The following GALNT2 variants were observed in gnomAD, a reference collection of about 807,000 sequenced individuals.
GALNT2 encodes the protein UDP-GalNAc:polypeptide N-acetylgalactosaminyltransferase 2.
A neutral mutation model predicts 81.4 loss-of-function variants in GALNT2; 31 were observed. That is an observed-to-expected ratio of 0.38 (90% CI 0.29 to 0.51). The LOEUF (loss-of-function observed/expected upper bound fraction) is 0.51, where lower values mean the gene tolerates loss of function less well. Ranked by LOEUF, GALNT2 falls within the 20% of genes least tolerant of loss-of-function variation. GALNT2 has a pLI of 0.87. For synonymous variants in GALNT2, 303 were observed against 287.4 expected (o/e 1.05, Z -0.55); for missense variants, 629 against 765.7 (o/e 0.82, Z 2.11).
At chr1:230,223,828 G>T (rs115821248) in intron 3 of GALNT2, among the ~76,000 whole-genome samples, 1,729 of 152,314 alleles carry the variant, frequency 0.011, 19 homozygotes, top group Middle Eastern at 0.02. Flanking sequence ...TATCTGAAAA[G>T]AGTGGTGTCC....
chr1:230,095,839 C>A (rs535052477), intron 1 of GALNT2, among the ~76,000 whole-genome samples: 5 of 152,314 alleles, frequency 3.3e-5, no homozygotes, highest in South Asian at 4.1e-4. Context: ...AGAAAGAAAC[C>A]GTGTGGGGTT....
intron 1 of GALNT2, 24 bp from the exon 2 acceptor site, chr1:230,178,194 C>A: frequency 2.5e-6 from 4 of 1,568,824 alleles, no homozygotes; most frequent in Non-Finnish European, 3.5e-6. Flanking sequence ...CAAGTCAACT[C>A]ATTCAGTGTC....
At chr1:230,233,178 A>G (rs899885366) in intron 3 of GALNT2, among the ~76,000 whole-genome samples, 5 of 152,214 alleles carry the variant, frequency 3.3e-5, no homozygotes, top group African/African-American at 1.2e-4. Context: ...AACTCCTTAA[A>G]TGTTTTTAGC....
intron 1 of GALNT2, among the ~76,000 whole-genome samples, chr1:230,114,915 A>G (rs1455585910): frequency 2.0e-5 from 3 of 151,790 alleles, no homozygotes; most frequent in Admixed American, 2.0e-4. Context: ...AGCTTCCCCT[A>G]TTAGTTTCCC....
chr1:230,105,662 C>A (rs991844500), intron 1 of GALNT2, among the ~76,000 whole-genome samples: 1 of 152,244 alleles, frequency 6.6e-6, no homozygotes, highest in East Asian at 1.9e-4. Context: ...TGTCAGCATT[C>A]GAAAGTGAGG....
At chr1:230,177,276 T>C (rs1376791803) in intron 1 of GALNT2, among the ~76,000 whole-genome samples, 1 of 152,254 alleles carries the variant, frequency 6.6e-6, no homozygotes, top group Admixed American at 6.5e-5. Flanking sequence ...AGAGGAGTGC[T>C]GGTGGAATAA....
chr1:230,197,173 T>C (rs1663721839), intron 2 of GALNT2, among the ~76,000 whole-genome samples: 1 of 151,878 alleles, frequency 6.6e-6, no homozygotes, highest in South Asian at 2.1e-4. Flanking sequence ...GAGAATGACA[T>C]TGAGTTGTTA....
intron 3 of GALNT2, among the ~76,000 whole-genome samples, chr1:230,218,627 A>G (rs962081151): frequency 6.6e-6 from 1 of 152,246 alleles, no homozygotes; most frequent in Non-Finnish European, 1.5e-5. Context: ...CAGTAGGTGG[A>G]TGAAGATATA....
chr1:230,203,853 C>G (rs1225202515), intron 3 of GALNT2, among the ~76,000 whole-genome samples: 3 of 152,140 alleles, frequency 2.0e-5, no homozygotes, highest in African/African-American at 2.4e-5. Flanking sequence ...GAGATAGGGT[C>G]TCCCTCTATC....
chr1:230,269,333 G>A lies in GALNT2; in HGVS notation c.1440+3966G>A, dbSNP rs187398488. 2.4e-3 allele frequency among the ~76,000 whole-genome samples: 363 copies of A among 151,926 alleles called. 2 individuals are homozygous for A. Among genetic ancestry groups the A allele is most frequent in the African/African-American group, 8.3e-3 (345 of 41,422 alleles). On this transcript the variant is annotated intron_variant, in intron 14 of 15. Coordinates refer to ENST00000366672, the MANE Select transcript of GALNT2 (RefSeq NM_004481.5). Reference sequence around the variant, plus strand: ...CTCAAGTAGCAGGGATTACAGGCACGTGCCACCACACCCGGCTAATTTTTG... The same window carrying A: ...CTCAAGTAGCAGGGATTACAGGCACATGCCACCACACCCGGCTAATTTTTG...
At chr1:230,235,914 TC>T in intron 3 of GALNT2, 99 bp from the exon 4 acceptor site, 1 of 966,276 alleles carries the variant, frequency 1.0e-6, no homozygotes, top group Non-Finnish European at 1.6e-6. Context: ...TCATAGCATG[TC>T]CATCCCAGTT....
rs116384982 is a variant in GALNT2 at position 230,254,778 on chromosome 1, G to A, written c.1010-440G>A. Among the ~76,000 whole-genome samples the A allele has an allele frequency of 5.4e-3, 819 of 152,236 alleles. 9 individuals carry two copies. The highest frequency in any genetic ancestry group is 0.018 in the African/African-American group (757 of 41,554). On this transcript the variant is annotated intron_variant, in intron 10 of 15. Coordinates refer to ENST00000366672, the MANE Select transcript of GALNT2 (RefSeq NM_004481.5). ...TACCTTCAGTGTTGCCTTTTCCCAC[G>A]GTGTTGATACGAAGCAAGTGCAAAT...
At chr1:230,276,037 G>T (rs960649485) in intron 15 of GALNT2, among the ~76,000 whole-genome samples, 2 of 44,198 alleles carry the variant, frequency 4.5e-5, no homozygotes, top group Non-Finnish European at 7.7e-5. Flanking sequence ...ATATATATAC[G>T]TATATACATG....
chr1:230,244,060 G>A (rs911742930), intron 7 of GALNT2, among the ~76,000 whole-genome samples: 1 of 151,368 alleles, frequency 6.6e-6, no homozygotes, highest in African/African-American at 2.4e-5. Context: ...TTGTTTTATT[G>A]ACTTTTCTTT....
chr1:230,172,590 T>C (rs1662829690), intron 1 of GALNT2, among the ~76,000 whole-genome samples: 1 of 152,240 alleles, frequency 6.6e-6, no homozygotes. Flanking sequence ...CCTGCACGCA[T>C]AGATTCGATC....
At chr1:230,101,226 C>T (rs532101862) in intron 1 of GALNT2, among the ~76,000 whole-genome samples, 1 of 152,274 alleles carries the variant, frequency 6.6e-6, no homozygotes, top group South Asian at 2.1e-4. Context: ...TATGTGTATG[C>T]CTGTATAGAT....
intron 1 of GALNT2, among the ~76,000 whole-genome samples, chr1:230,113,965 G>A (rs962715686): frequency 6.6e-6 from 1 of 152,154 alleles, no homozygotes; most frequent in African/African-American, 2.4e-5. Context: ...ACGGGGTGAG[G>A]CAGTGAATGA....
At chr1:230,208,035 A>G (rs957163487) in intron 3 of GALNT2, among the ~76,000 whole-genome samples, 1 of 152,152 alleles carries the variant, frequency 6.6e-6, no homozygotes, top group Non-Finnish European at 1.5e-5. Context: ...CTCACCTCTA[A>G]CAGTGATCTC....
At chr1:230,128,792 A>G (rs1389203410) in intron 1 of GALNT2, among the ~76,000 whole-genome samples, 3 of 152,158 alleles carry the variant, frequency 2.0e-5, no homozygotes, top group East Asian at 1.9e-4. Flanking sequence ...GCATCAGCTC[A>G]GGACAGCCTT....
Sources: gnomAD v4.1 joint callset for allele counts (sites outside exome capture counted in the v4.1 genomes callset) on GRCh38, gnomAD v4.1.1 for gene constraint, MANE v1.5 for transcripts, NCBI Gene and HGNC (gene_info 2026-07-23, HGNC 2026-07-21) for gene names.